Variants in DHODH observed in about 807,000 individuals in gnomAD.
DHODH encodes the protein dihydroorotate dehydrogenase (quinone), also known as dihydroorotate dehydrogenase (quinone), mitochondrial.
Under a neutral mutation model 39.7 loss-of-function variants are expected in DHODH, and 30 were observed. The observed-to-expected ratio is 0.76, with a 90% CI of 0.57 to 1.02. The LOEUF is 1.02. Ranked by LOEUF, DHODH falls within the 50% of genes least tolerant of loss-of-function variation. The probability of loss-of-function intolerance (pLI) is 0.00; values close to 1 mark genes in which losing one functional copy is unlikely to be tolerated. For synonymous variants in DHODH, 222 were observed against 213.8 expected (o/e 1.04, Z -0.34); for missense variants, 531 against 520.8 (o/e 1.02, Z -0.19).
chr16:72,017,770 C>CTTTTTTTT (rs71153696), intron 4 of DHODH, among the ~76,000 whole-genome samples: 2,587 of 103,518 alleles, frequency 0.025, 487 homozygotes, highest in African/African-American at 0.11. Flanking sequence ...AAACAACATG[C>CTTTTTTTT]TTTTTTTTTT....
At chr16:72,019,172 T>G (rs1331083022) in intron 4 of DHODH, among the ~76,000 whole-genome samples, 1 of 152,114 alleles carries the variant, frequency 6.6e-6, no homozygotes, top group African/African-American at 2.4e-5. Context: ...GCCAGGCTGG[T>G]CTTGAACTCC....
At chr16:72,017,787 T>TTTTTTTTTTTTG (rs2041158850) in intron 4 of DHODH, among the ~76,000 whole-genome samples, 1 of 147,836 alleles carries the variant, frequency 6.8e-6, no homozygotes, top group Non-Finnish European at 1.5e-5. Flanking sequence ...TTTTTTTTTT[T>TTTTTTTTTTTTG]TGAGACGGAG....
chr16:72,011,239 A>C (rs970507926), intron 1 of DHODH, among the ~76,000 whole-genome samples: 12 of 152,356 alleles, frequency 7.9e-5, no homozygotes, highest in African/African-American at 2.4e-4. Context: ...AAAGCACTGT[A>C]CCATTCCCGA....
chr16:72,012,158 ACT>A lies in DHODH; in HGVS notation c.133_134del (p.Leu45AlafsTer31), dbSNP rs745682638. ...ERFYAEHLMP[T>X]LQGLLDPESA... ...TTTCTATGCTGAACACCTGATGCCG[ACT>A]CTGCAGGGGCTGCTGGACCCGGAGT... On this transcript the variant is annotated frameshift_variant, in exon 2 of 9. Transcript: ENST00000219240. LOFTEE classifies it high-confidence loss of function. 6.2e-7 allele frequency: 1 copy of A among 1,613,768 alleles called. No individual in the cohort carries two copies. Among genetic ancestry groups the A allele is most frequent in the South Asian group, 1.1e-5 (1 of 91,068 alleles).
intron 6 of DHODH, 53 bp downstream of exon 6, chr16:72,022,528 G>A (rs1030519048): frequency 4.5e-5 from 64 of 1,422,116 alleles, no homozygotes; most frequent in East Asian, 2.0e-4. Context: ...TGCAGAGGCC[G>A]TTTGGCCAGC....
intron 1 of DHODH, among the ~76,000 whole-genome samples, chr16:72,009,703 C>G (rs1203228473): frequency 6.6e-6 from 1 of 151,766 alleles, no homozygotes; most frequent in African/African-American, 2.4e-5. Context: ...CAACCTCCGC[C>G]TCCCGGGTTC....
intron 2 of DHODH, among the ~76,000 whole-genome samples, chr16:72,012,956 G>C (rs551291283): frequency 3.9e-5 from 6 of 152,182 alleles, no homozygotes; most frequent in Admixed American, 1.3e-4. Flanking sequence ...GCAGCAAACC[G>C]AATAAAAGAG....
chr16:72,011,502 G>C (rs1257665799), intron 1 of DHODH, among the ~76,000 whole-genome samples: 1 of 152,250 alleles, frequency 6.6e-6, no homozygotes, highest in East Asian at 1.9e-4. Flanking sequence ...TTGGTGGCAT[G>C]TGCCTGTGGT....
At chr16:72,008,978 G>C in intron 1 of DHODH, 193 bp downstream of exon 1, 1 of 1,480,002 alleles carries the variant, frequency 6.8e-7, no homozygotes, top group Admixed American at 2.3e-5. Flanking sequence ...GGTCAGGCGT[G>C]TGCAGACAGC....
intron 4 of DHODH, chr16:72,020,368 T>G (rs1229376511): frequency 2.4e-4 from 18 of 74,028 alleles, no homozygotes; most frequent in Admixed American, 6.1e-4. Context: ...TATATATATA[T>G]ATATTTTTTT....
At chr16:72,017,371 G>A (rs2041153324) in intron 4 of DHODH, among the ~76,000 whole-genome samples, 3 of 152,146 alleles carry the variant, frequency 2.0e-5, no homozygotes, top group Admixed American at 1.3e-4. Flanking sequence ...GAAAGCAAGC[G>A]AAGCAAAGCG....
Position 72,027,549 on chromosome 16 carries a change from G to T in DHODH, c.*3350G>T, listed in dbSNP as rs537193091. 6.6e-6 allele frequency: 1 copy of T among 152,198 alleles called. No individual in the cohort carries two copies. Among genetic ancestry groups the T allele is most frequent in the Non-Finnish European group, 1.5e-5 (1 of 68,054 alleles). 9.4% of individuals were successfully genotyped at this position (152,198 alleles called of 1,614,324 possible). A position where few individuals can be genotyped will look rare whatever the true frequency, so the allele number is the denominator to read the frequency against. On this transcript the variant is annotated 3_prime_UTR_variant, in exon 9 of 9. Transcript: ENST00000219240. ...GTCTCCCTCTGGGACCAAGGATGGT[G>T]GAAGGGTGTGCAGAATTCCAAATGT...
chr16:72,017,343 C>T (rs955213247), intron 4 of DHODH, among the ~76,000 whole-genome samples: 2 of 152,130 alleles, frequency 1.3e-5, no homozygotes, highest in Non-Finnish European at 2.9e-5. Flanking sequence ...TAACCTGTTA[C>T]CGTAACTAGG....
In DHODH at chr16:72,025,293, C is replaced by CA. The variant is rs780685797; in HGVS notation, c.*1095dup. 1 of 152,226 alleles carries CA rather than the reference C, an allele frequency of 6.6e-6. No homozygotes were observed. The highest frequency in any genetic ancestry group is 1.5e-5 in the Non-Finnish European group (1 of 68,046). The allele number at this position is 152,226 out of a possible 1,614,324, so 9.4% of individuals were successfully genotyped here. A position where few individuals can be genotyped will look rare whatever the true frequency, so the allele number is the denominator to read the frequency against. On this transcript the variant is annotated 3_prime_UTR_variant, in exon 9 of 9. Transcript: ENST00000219240. ...AAGATGTTCATTTTGTACATACACT[C>CA]AGACATACATGTGGCTGTATTTTTT... is the stretch of plus-strand genomic sequence containing the variant.
intron 1 of DHODH, among the ~76,000 whole-genome samples, chr16:72,011,803 G>A (rs1031365807): frequency 1.3e-5 from 2 of 152,082 alleles, no homozygotes; most frequent in African/African-American, 4.8e-5. Flanking sequence ...ATCACCCTAG[G>A]GGACAGTACT....
intron 2 of DHODH, among the ~76,000 whole-genome samples, chr16:72,012,490 G>T (rs966826233): frequency 2.0e-5 from 3 of 152,194 alleles, no homozygotes; most frequent in Non-Finnish European, 2.9e-5. Flanking sequence ...CCTCCCAGCT[G>T]CTCCATGAGC....
chr16:72,022,250 TG>T, intron 5 of DHODH, 111 bp from the exon 6 acceptor site: 1 of 771,420 alleles, frequency 1.3e-6, no homozygotes, highest in Non-Finnish European at 2.2e-6. Context: ...AAATTGTTTC[TG>T]CTTTAGTTTG....
At chr16:72,014,842 T>C (rs1445084394) in intron 3 of DHODH, among the ~76,000 whole-genome samples, 170 bp downstream of exon 3, 1 of 152,222 alleles carries the variant, frequency 6.6e-6, no homozygotes, top group Non-Finnish European at 1.5e-5. Flanking sequence ...CAGGCATCTA[T>C]CTTGAAAAGC....
chr16:72,018,009 G>C (rs927769865), intron 4 of DHODH, among the ~76,000 whole-genome samples: 1 of 152,062 alleles, frequency 6.6e-6, no homozygotes, highest in Non-Finnish European at 1.5e-5. Flanking sequence ...TTCCTGACCT[G>C]GTGATCCGCC....
Sources: allele counts gnomAD v4.1 joint callset (sites outside exome capture counted in the v4.1 genomes callset), GRCh38; gene constraint gnomAD v4.1.1; transcripts MANE v1.5; gene names NCBI Gene and HGNC (gene_info 2026-07-23, HGNC 2026-07-21).